ISM1: variants seen among roughly 807,000 people sequenced by gnomAD.
ISM1 encodes the protein isthmin-1.
In ISM1, 25 loss-of-function variants were observed where a neutral mutation model predicts 46.3. The observed-to-expected ratio is 0.54, with a 90% confidence interval of 0.39 to 0.75. ISM1 has a LOEUF of 0.75. Among genes scored for constraint, ISM1 ranks in the 30% least tolerant of loss-of-function variants. The pLI, the probability that ISM1 is intolerant of heterozygous loss-of-function variation, is 0.00. For missense variants in ISM1, 536 were observed against 625.4 expected, an observed-to-expected ratio of 0.86 and a Z score of 1.52; for synonymous variants, 255 against 256.7, an observed-to-expected ratio of 0.99 and a Z score of 0.06.
At chr20:13,274,647 G>A (rs866416917) in intron 2 of ISM1, among the ~76,000 whole-genome samples, 1 of 151,798 alleles carries the variant, frequency 6.6e-6, no homozygotes, top group Admixed American at 6.6e-5. Flanking sequence ...AAGAGTCCAC[G>A]TCCCGCCCCC....
intron 1 of ISM1, among the ~76,000 whole-genome samples, chr20:13,240,531 G>A (rs2039707405): frequency 6.6e-6 from 1 of 152,190 alleles, no homozygotes; most frequent in Non-Finnish European, 1.5e-5. Context: ...AAAAGAGACT[G>A]GAGAACAGTG....
intron 4 of ISM1, among the ~76,000 whole-genome samples, chr20:13,291,229 C>A (rs1383199564): frequency 2.6e-5 from 4 of 152,152 alleles, no homozygotes; most frequent in African/African-American, 2.4e-5. Context: ...GTGTCCTCAC[C>A]CTCCTTGCAT....
chr20:13,247,420 C>T (rs1008939207), intron 1 of ISM1, among the ~76,000 whole-genome samples: 1 of 151,992 alleles, frequency 6.6e-6, no homozygotes, highest in African/African-American at 2.4e-5. Flanking sequence ...TTATCAGTGG[C>T]TTGCAGCCTG....
chr20:13,292,447 CA>C lies in ISM1; in HGVS notation c.864del (p.Lys288AsnfsTer14). ...CGGGAAGCGAGGAGTTTAATGCCAC[CA>C]AACTGTTTGAAGTTGGTAAGATTTT... ...LAGSEEFNATKLFEVDTDSCE... is the reference protein window; with the variant it reads ...LAGSEEFNATXLFEVDTDSCE... On this transcript the variant is annotated frameshift_variant, in exon 5 of 6. Coordinates refer to ENST00000262487, the MANE Select transcript of ISM1 (RefSeq NM_080826.2). LOFTEE classifies it high-confidence loss of function. The C allele has an allele frequency of 1.2e-6, 2 of 1,600,396 alleles. No homozygotes were observed. Among genetic ancestry groups the C allele is most frequent in the Non-Finnish European group, 8.5e-7 (1 of 1,172,510 alleles).
chr20:13,325,521 T>G, the ISM1 span, among the ~76,000 whole-genome samples: 1 of 152,198 alleles, frequency 6.6e-6, no homozygotes, highest in East Asian at 1.9e-4. Context: ...GATTATAATA[T>G]TCACCTTTCC....
At chr20:13,226,833 A>G (rs982277593) in intron 1 of ISM1, among the ~76,000 whole-genome samples, 3 of 152,230 alleles carry the variant, frequency 2.0e-5, no homozygotes, top group African/African-American at 7.2e-5. Context: ...CTATTAGCCA[A>G]ACCATGTGGT....
At chr20:13,315,887 T>C in the ISM1 span, among the ~76,000 whole-genome samples, 1 of 151,980 alleles carries the variant, frequency 6.6e-6, no homozygotes, top group Non-Finnish European at 1.5e-5. Flanking sequence ...AACATACTTC[T>C]AAATAACACA....
chr20:13,255,692 T>A (rs1410155045), intron 1 of ISM1, among the ~76,000 whole-genome samples: 1 of 152,172 alleles, frequency 6.6e-6, no homozygotes. Context: ...AGTCATTCCC[T>A]CTGGGAAGAC....
chr20:13,293,974 CA>C (rs372171439), intron 5 of ISM1, among the ~76,000 whole-genome samples: 18 of 140,598 alleles, frequency 1.3e-4, no homozygotes, highest in African/African-American at 1.1e-4. Context: ...AACTCCATCT[CA>C]AAAAAAAAAG....
At chr20:13,321,053 G>T in the ISM1 span, among the ~76,000 whole-genome samples, 2 of 151,712 alleles carry the variant, frequency 1.3e-5, no homozygotes, top group Non-Finnish European at 2.9e-5. Flanking sequence ...ACAAAAATTA[G>T]CCAGGCATGG....
At chr20:13,251,657 T>C (rs887702018) in intron 1 of ISM1, among the ~76,000 whole-genome samples, 4 of 152,222 alleles carry the variant, frequency 2.6e-5, no homozygotes, top group African/African-American at 9.6e-5. Context: ...ATATTTCCTT[T>C]GGTCAGAGAG....
chr20:13,320,323 T>C, the ISM1 span, among the ~76,000 whole-genome samples: 1 of 152,192 alleles, frequency 6.6e-6, no homozygotes, highest in Admixed American at 6.5e-5. Context: ...TGTGATACAT[T>C]AGCTTTGTAC....
chr20:13,311,095 G>T, the ISM1 span, among the ~76,000 whole-genome samples: 1 of 152,142 alleles, frequency 6.6e-6, no homozygotes, highest in Admixed American at 6.5e-5. Flanking sequence ...TCTGGAGGCT[G>T]AGGTGGGAGA....
At chr20:13,322,823 GA>G in the ISM1 span, among the ~76,000 whole-genome samples, 4 of 152,090 alleles carry the variant, frequency 2.6e-5, no homozygotes, top group South Asian at 8.3e-4. Context: ...GTGTCAACTT[GA>G]AAACAGTCCT....
the ISM1 span, among the ~76,000 whole-genome samples, chr20:13,313,255 G>A: frequency 2.6e-5 from 4 of 152,238 alleles, no homozygotes; most frequent in South Asian, 2.1e-4. Context: ...CCCCCCACAC[G>A]CACCTGTTAA....
At chr20:13,295,310 C>T (rs1169731905) in intron 5 of ISM1, among the ~76,000 whole-genome samples, 2 of 152,196 alleles carry the variant, frequency 1.3e-5, no homozygotes, top group South Asian at 2.1e-4. Flanking sequence ...TAATAGCTCA[C>T]TATCACTCAC....
chr20:13,305,534 G>A (rs1456583144), downstream of ISM1, among the ~76,000 whole-genome samples: 2 of 152,174 alleles, frequency 1.3e-5, no homozygotes, highest in East Asian at 3.8e-4. Flanking sequence ...AAAAATGTGT[G>A]GGTCGTCCCA....
At chr20:13,307,521 TTGTA>T in the ISM1 span, among the ~76,000 whole-genome samples, 2 of 152,186 alleles carry the variant, frequency 1.3e-5, no homozygotes, top group African/African-American at 2.4e-5. Flanking sequence ...CTGAATTTCT[TTGTA>T]TGTAAATTTT....
chr20:13,239,052 A>G (rs2039686556), intron 1 of ISM1: 1 of 152,228 alleles, frequency 6.6e-6, no homozygotes. Flanking sequence ...TGCAATTCCG[A>G]AGACATCATG....
Sources: gnomAD v4.1 joint callset for allele counts (sites outside exome capture counted in the v4.1 genomes callset) on GRCh38, gnomAD v4.1.1 for gene constraint, MANE v1.5 for transcripts, NCBI Gene and HGNC (gene_info 2026-07-23, HGNC 2026-07-21) for gene names.